The following CTIF variants were observed in gnomAD, a reference collection of about 807,000 sequenced individuals.
CTIF encodes cap binding complex dependent translation initiation factor.
In CTIF, 21 loss-of-function variants were observed where a neutral mutation model predicts 66.0. The observed-to-expected ratio is 0.32, with a 90% confidence interval of 0.23 to 0.46. The LOEUF (loss-of-function observed/expected upper bound fraction) is 0.46, where lower values mean the gene tolerates loss of function less well. Among genes scored for constraint, CTIF ranks in the 20% least tolerant of loss-of-function variants. CTIF has a pLI of 1.00. For synonymous variants in CTIF, 345 were observed against 326.4 expected, an observed-to-expected ratio of 1.06 and a Z score of -0.62; for missense variants, 739 against 812.7, an observed-to-expected ratio of 0.91 and a Z score of 1.10.
intron 3 of CTIF, among the ~76,000 whole-genome samples, chr18:48,648,403 A>C (rs2091090486): frequency 6.6e-6 from 1 of 151,826 alleles, no homozygotes; most frequent in African/African-American, 2.4e-5. Context: ...CTCCTGCTTC[A>C]AAGGCCCCTT....
chr18:48,641,549 G>A (rs937325619), intron 3 of CTIF, among the ~76,000 whole-genome samples: 5 of 152,344 alleles, frequency 3.3e-5, no homozygotes, highest in Middle Eastern at 3.4e-3. Context: ...CCTGGAATAA[G>A]TGAAGGGCAC....
Position 48,681,772 on chromosome 18 carries a change from T to TTTTG in CTIF, c.507+11052_507+11055dup, listed in dbSNP as rs543174265. On this transcript the variant is annotated intron_variant, in intron 6 of 11. Transcript: ENST00000256413. The stretch of plus-strand genomic sequence containing the variant: ...CCTGCCTGCCTGCCCCACACCTGGT[T>TTTTG]TTTGTTTGTTTGTTTGTTTGTTTGT... 9.1e-4 allele frequency among the ~76,000 whole-genome samples: 136 copies of TTTTG among 149,496 alleles called. 1 individual carries two copies. Among genetic ancestry groups the TTTTG allele is most frequent in the East Asian group, 6.4e-3 (32 of 4,974 alleles).
In CTIF at chr18:48,570,334, T is replaced by C. The variant is rs2089386285; in HGVS notation, c.-29+31022T>C. Among the ~76,000 whole-genome samples the C allele has an allele frequency of 2.0e-5, 3 of 152,218 alleles. No individual in the cohort carries two copies. The South Asian group carries it at 6.2e-4, about 32-fold the overall frequency. The stretch of plus-strand genomic sequence containing the variant: ...GGAAATGGGGCTTTAATAAAGCCAG[T>C]TGCTGTTTGGGTGCCAGAGTCTGAG... On this transcript the variant is annotated intron_variant, in intron 1 of 11. Transcript: ENST00000256413.
Position 48,804,420 on chromosome 18 carries a change from T to C in CTIF, c.1372-12801T>C, listed in dbSNP as rs1237766649. Among the ~76,000 whole-genome samples the C allele has an allele frequency of 2.0e-5, 3 of 152,290 alleles. No homozygotes were observed. In the East Asian group the frequency reaches 5.8e-4, roughly 29 times the overall value. On this transcript the variant is annotated intron_variant, in intron 9 of 11. Coordinates refer to ENST00000256413, the MANE Select transcript of CTIF (RefSeq NM_014772.3). ...GCCAGGCCTCAGGGCTCAGCAGGAC[T>C]GAGCCAAGACTGGCAGCTGTGGCCA...
intron 1 of CTIF, among the ~76,000 whole-genome samples, chr18:48,558,949 G>A (rs940458661): frequency 9.2e-5 from 14 of 152,312 alleles, no homozygotes; most frequent in East Asian, 3.9e-4. Flanking sequence ...CCTGATAAGC[G>A]TTTGCAGATC....
chr18:48,756,701 G>A (rs2145853289), intron 7 of CTIF, among the ~76,000 whole-genome samples: 1 of 152,320 alleles, frequency 6.6e-6, no homozygotes, highest in Non-Finnish European at 1.5e-5. Flanking sequence ...TTTGAACATA[G>A]TAGTGCTTTC....
chr18:48,722,615 C>T (rs2092349338), intron 7 of CTIF, among the ~76,000 whole-genome samples: 1 of 151,684 alleles, frequency 6.6e-6, no homozygotes, highest in Admixed American at 6.6e-5. Context: ...GGTGTAAGCA[C>T]CCGGCCGTAC....
chr18:48,767,135 G>T (rs754686124), intron 9 of CTIF, among the ~76,000 whole-genome samples: 1 of 152,178 alleles, frequency 6.6e-6, no homozygotes, highest in Non-Finnish European at 1.5e-5. Flanking sequence ...CTAACTAGAT[G>T]ATGTGCATTG....
Position 48,710,279 on chromosome 18 carries a change from A to G in CTIF, c.508-1340A>G, listed in dbSNP as rs59230243. On this transcript the variant is annotated intron_variant, in intron 6 of 11. Coordinates refer to ENST00000256413, the MANE Select transcript of CTIF (RefSeq NM_014772.3). The stretch of plus-strand genomic sequence containing the variant: ...TAAGGTGGGGAGTGGGCCAGAATAG[A>G]CCCCCTCTGACTGCTCTCCAGCAGC... 6.7e-3 allele frequency among the ~76,000 whole-genome samples: 1,018 copies of G among 152,030 alleles called. 14 individuals are homozygous for G. The highest frequency in any genetic ancestry group is 0.023 in the African/African-American group (969 of 41,478).
rs572872827 is a variant in CTIF at position 48,642,490 on chromosome 18, T to A, written c.252+5805T>A. On this transcript the variant is annotated intron_variant, in intron 3 of 11. Coordinates refer to ENST00000256413, the MANE Select transcript of CTIF (RefSeq NM_014772.3). Reference sequence around the variant, plus strand: ...AGTGTTGGGATGTTAGAGTAATAGTTAGGAGGCAGCACAGCTAGAGGAGGA... The same window carrying A: ...AGTGTTGGGATGTTAGAGTAATAGTAAGGAGGCAGCACAGCTAGAGGAGGA... Among the ~76,000 whole-genome samples, 14 of 152,144 alleles carry A rather than the reference T, an allele frequency of 9.2e-5. No individual in the cohort carries two copies. The South Asian group carries it at 2.9e-3, about 32-fold the overall frequency.
At chr18:48,714,736 G>C (rs2092263245) in intron 7 of CTIF, among the ~76,000 whole-genome samples, 1 of 152,152 alleles carries the variant, frequency 6.6e-6, no homozygotes, top group Non-Finnish European at 1.5e-5. Context: ...AGCAGTTTAG[G>C]GACATGCCCT....
Position 48,664,469 on chromosome 18 carries a change from C to A in CTIF, c.349C>A (p.Pro117Thr), listed in dbSNP as rs752206086. The A allele has an allele frequency of 6.2e-7, 1 of 1,613,728 alleles. No individual in the cohort carries two copies. The highest frequency in any genetic ancestry group is 8.5e-7 in the Non-Finnish European group (1 of 1,179,954). Residue 117 changes from proline to threonine, a missense_variant, in exon 5 of 12, where the codon CCG becomes ACG. By Grantham distance (38) the Pro-to-Thr change is conservative (BLOSUM62 -1). This residue lies in a region of CTIF where 529 missense variants were observed against 520.3 expected (regional missense o/e 1.02). Coordinates refer to ENST00000256413, the MANE Select transcript of CTIF (RefSeq NM_014772.3). Reference protein sequence around the residue: ...SFSGATWDLQPEKLDFTQFHR... With the variant: ...SFSGATWDLQTEKLDFTQFHR... Reference sequence around the variant, plus strand: ...TAGTGGTGCCACCTGGGACCTGCAGCCGGAAAAGCTGGACTTCACCCAGTT... The same window carrying A: ...TAGTGGTGCCACCTGGGACCTGCAGACGGAAAAGCTGGACTTCACCCAGTT...
At chr18:48,712,683 C>T (rs760198064) in intron 7 of CTIF, among the ~76,000 whole-genome samples, 35 of 152,236 alleles carry the variant, frequency 2.3e-4, no homozygotes, top group African/African-American at 7.0e-4. Flanking sequence ...AAGAAACAGC[C>T]GGTGGACATG....
chr18:48,676,691 C>A (rs1259140171), intron 6 of CTIF, among the ~76,000 whole-genome samples: 1 of 151,906 alleles, frequency 6.6e-6, no homozygotes, highest in Non-Finnish European at 1.5e-5. Flanking sequence ...GCTCAGGGGA[C>A]GGAAAGTGGC....
At chr18:48,831,406 C>A (rs1282862568) in intron 10 of CTIF, among the ~76,000 whole-genome samples, 2 of 152,250 alleles carry the variant, frequency 1.3e-5, no homozygotes, top group African/African-American at 4.8e-5. Context: ...GCTCCCTGGA[C>A]CAAGAGCCCA....
intron 3 of CTIF, among the ~76,000 whole-genome samples, chr18:48,643,977 G>T (rs545088736): frequency 6.6e-6 from 1 of 152,256 alleles, no homozygotes; most frequent in Admixed American, 6.5e-5. Context: ...TCAGCATATT[G>T]TTAGGCAGCT....
chr18:48,837,475 G>A (rs955017676), intron 10 of CTIF, among the ~76,000 whole-genome samples: 24 of 152,264 alleles, frequency 1.6e-4, no homozygotes, highest in Admixed American at 1.0e-3. Context: ...TCTGGGCTGG[G>A]GGAAGCACCT....
At chr18:48,859,227 G>C (rs1320840081) in intron 11 of CTIF, 117 bp from the exon 12 acceptor site, 11 of 834,648 alleles carry the variant, frequency 1.3e-5, no homozygotes, top group Non-Finnish European at 2.2e-5. Context: ...ACAGGGGTCT[G>C]GGCCTGTGTG....
chr18:48,653,545 A>G (rs2091194740), intron 3 of CTIF, among the ~76,000 whole-genome samples: 1 of 152,198 alleles, frequency 6.6e-6, no homozygotes, highest in Admixed American at 6.5e-5. Flanking sequence ...AAATAGCCAT[A>G]CTGCCCAAGG....
Sources: allele counts gnomAD v4.1 joint callset (sites outside exome capture counted in the v4.1 genomes callset), GRCh38; gene constraint gnomAD v4.1.1; regional missense constraint gnomAD v4.1.1; transcripts MANE v1.5; gene names NCBI Gene and HGNC (gene_info 2026-07-23, HGNC 2026-07-21).